The following RAB3C variants were observed in gnomAD, a reference collection of about 807,000 sequenced individuals.
RAB3C encodes the protein RAB3C, member RAS oncogene family, also known as ras-related protein Rab-3C.
A neutral mutation model predicts 26.4 loss-of-function variants in RAB3C; 17 were observed. The ratio of observed to expected loss-of-function variants is 0.64; its 90% CI spans 0.44 to 0.97. RAB3C has a LOEUF of 0.97. Among genes scored for constraint, RAB3C ranks in the 50% least tolerant of loss-of-function variants. The pLI, the probability that RAB3C is intolerant of heterozygous loss-of-function variation, is 0.00. For synonymous variants in RAB3C, 91 were observed against 95.9 expected (o/e 0.95, Z 0.30); for missense variants, 242 against 281.9 (o/e 0.86, Z 1.01).
At chr5:58,791,092 G>A (rs958339847) in intron 3 of RAB3C, among the ~76,000 whole-genome samples, 6 of 150,960 alleles carry the variant, frequency 4.0e-5, no homozygotes, top group African/African-American at 1.5e-4. Context: ...ATATGAAGAA[G>A]AAGCTTACTC....
intron 3 of RAB3C, among the ~76,000 whole-genome samples, chr5:58,731,568 GA>G (rs1457006407): frequency 1.3e-5 from 2 of 152,116 alleles, no homozygotes; most frequent in Non-Finnish European, 2.9e-5. Flanking sequence ...AGAGTGAGGA[GA>G]AAAGGGAGCA....
At chr5:58,714,186 A>G (rs942978146) in intron 2 of RAB3C, among the ~76,000 whole-genome samples, 1 of 152,118 alleles carries the variant, frequency 6.6e-6, no homozygotes, top group African/African-American at 2.4e-5. Flanking sequence ...TTTGAACAAG[A>G]GGTGAATGGT....
chr5:58,849,347 T>C (rs1404777561), intron 4 of RAB3C, among the ~76,000 whole-genome samples: 1 of 152,142 alleles, frequency 6.6e-6, no homozygotes, highest in Admixed American at 6.5e-5. Flanking sequence ...CATCCTCCCA[T>C]TAGGTCTGGG....
At chr5:58,650,593 T>G (rs1747623194) in intron 2 of RAB3C, among the ~76,000 whole-genome samples, 1 of 152,216 alleles carries the variant, frequency 6.6e-6, no homozygotes, top group African/African-American at 2.4e-5. Flanking sequence ...TAGAGCATGA[T>G]GGAGTCCTTT....
chr5:58,709,340 C>A (rs964092972), intron 2 of RAB3C, among the ~76,000 whole-genome samples: 1 of 152,174 alleles, frequency 6.6e-6, no homozygotes, highest in East Asian at 1.9e-4. Flanking sequence ...GGGACTCACC[C>A]TCTGTACACC....
At chr5:58,722,897 A>G (rs966559958) in intron 2 of RAB3C, among the ~76,000 whole-genome samples, 1 of 151,940 alleles carries the variant, frequency 6.6e-6, no homozygotes, top group East Asian at 1.9e-4. Flanking sequence ...ATAATAAAAT[A>G]TTCAAATAGT....
At chr5:58,622,460 T>C (rs1395668230) in intron 2 of RAB3C, among the ~76,000 whole-genome samples, 4 of 152,122 alleles carry the variant, frequency 2.6e-5, no homozygotes, top group Non-Finnish European at 1.5e-5. Flanking sequence ...ATGGTTAATA[T>C]GGAGGGAAAG....
At chr5:58,699,928 G>A (rs768190889) in intron 2 of RAB3C, among the ~76,000 whole-genome samples, 25 of 152,342 alleles carry the variant, frequency 1.6e-4, no homozygotes, top group Non-Finnish European at 3.2e-4. Context: ...CCTGGGTGAG[G>A]CGATGCCATG....
chr5:58,710,394 T>A (rs1749031598), intron 2 of RAB3C, among the ~76,000 whole-genome samples: 1 of 151,290 alleles, frequency 6.6e-6, no homozygotes, highest in Non-Finnish European at 1.5e-5. Flanking sequence ...AGGTCAGGAG[T>A]TCGAGACCAG....
intron 2 of RAB3C, among the ~76,000 whole-genome samples, chr5:58,625,402 C>T (rs977896551): frequency 1.5e-4 from 23 of 152,076 alleles, no homozygotes; most frequent in Admixed American, 9.2e-4. Flanking sequence ...TGGTAGCCAA[C>T]AATCAATGGA....
At chr5:58,650,648 A>G (rs1341999904) in intron 2 of RAB3C, among the ~76,000 whole-genome samples, 2 of 152,178 alleles carry the variant, frequency 1.3e-5, no homozygotes, top group East Asian at 3.9e-4. Flanking sequence ...TGTAAATTAT[A>G]CTAAGGAAAC....
chr5:58,617,526 T>G (rs1333463700), intron 1 of RAB3C, 117 bp from the exon 2 acceptor site: 1 of 853,334 alleles, frequency 1.2e-6, no homozygotes. Flanking sequence ...ACTCGCCTCC[T>G]GAGTGTCTGA....
intron 1 of RAB3C, among the ~76,000 whole-genome samples, chr5:58,613,674 T>C (rs1187694624): frequency 6.6e-6 from 1 of 152,122 alleles, no homozygotes; most frequent in African/African-American, 2.4e-5. Context: ...GCATTTTAAG[T>C]CAAGTGTGAT....
chr5:58,783,639 C>T (rs1742318086), intron 3 of RAB3C, among the ~76,000 whole-genome samples: 1 of 152,152 alleles, frequency 6.6e-6, no homozygotes, highest in African/African-American at 2.4e-5. Flanking sequence ...GGATCAAATA[C>T]TTTTAAAGTA....
At chr5:58,679,650 A>C (rs1748306518) in intron 2 of RAB3C, among the ~76,000 whole-genome samples, 1 of 152,180 alleles carries the variant, frequency 6.6e-6, no homozygotes, top group Non-Finnish European at 1.5e-5. Context: ...TATTTTCTGT[A>C]GCTTTCTCCC....
intron 3 of RAB3C, among the ~76,000 whole-genome samples, chr5:58,784,326 A>C (rs965426323): frequency 2.6e-5 from 4 of 152,210 alleles, no homozygotes; most frequent in Admixed American, 2.6e-4. Context: ...ATGGCTGGGA[A>C]GGCCTCACAA....
chr5:58,750,891 G>A (rs10223204), intron 3 of RAB3C, among the ~76,000 whole-genome samples: 18,210 of 151,494 alleles, frequency 0.12, 1,401 homozygotes, highest in East Asian at 0.18. Flanking sequence ...GCCTTGCTCT[G>A]TTAGCCAGGC....
At chr5:58,754,685 C>T (rs1307253822) in intron 3 of RAB3C, among the ~76,000 whole-genome samples, 2 of 152,168 alleles carry the variant, frequency 1.3e-5, no homozygotes, top group Non-Finnish European at 2.9e-5. Flanking sequence ...AGAGGAACCA[C>T]AAACAAATGT....
intron 3 of RAB3C, among the ~76,000 whole-genome samples, chr5:58,801,915 A>C (rs759765818): frequency 3.5e-4 from 54 of 152,236 alleles, no homozygotes; most frequent in Non-Finnish European, 5.7e-4. Flanking sequence ...TTCATGCCAC[A>C]ACAACAAGAA....
Sources: allele counts gnomAD v4.1 joint callset (sites outside exome capture counted in the v4.1 genomes callset), GRCh38; gene constraint gnomAD v4.1.1; transcripts MANE v1.5; gene names NCBI Gene and HGNC (gene_info 2026-07-23, HGNC 2026-07-21).